The following SYNDIG1 variants were observed in gnomAD, a reference collection of about 807,000 sequenced individuals.
The protein encoded by SYNDIG1 is synapse differentiation inducing 1, also known as synapse differentiation-inducing gene protein 1.
A neutral mutation model predicts 19.4 loss-of-function variants in SYNDIG1; 9 were observed. The observed-to-expected ratio is 0.46, with a 90% confidence interval of 0.28 to 0.81. The LOEUF (loss-of-function observed/expected upper bound fraction) is 0.81, where lower values mean the gene tolerates loss of function less well. Among genes scored for constraint, SYNDIG1 ranks in the 30% least tolerant of loss-of-function variants. The pLI, the probability that SYNDIG1 is intolerant of heterozygous loss-of-function variation, is 0.12. For missense variants in SYNDIG1, 311 were observed against 343.3 expected (o/e 0.91, Z 0.74); for synonymous variants, 141 against 145.9 (o/e 0.97, Z 0.24).
chr20:24,610,987 G>A (rs1395105162), intron 3 of SYNDIG1, among the ~76,000 whole-genome samples: 6 of 152,054 alleles, frequency 3.9e-5, no homozygotes, highest in Non-Finnish European at 7.4e-5. Context: ...TTCTGTCTTC[G>A]GCCAGCTCCC....
At chr20:24,588,021 A>G (rs926869232) in intron 3 of SYNDIG1, among the ~76,000 whole-genome samples, 1 of 152,232 alleles carries the variant, frequency 6.6e-6, no homozygotes, top group African/African-American at 2.4e-5. Flanking sequence ...GGAGAAAATG[A>G]GGGATGCCAT....
At chr20:24,648,015 C>G (rs764271066) in intron 3 of SYNDIG1, among the ~76,000 whole-genome samples, 3 of 152,044 alleles carry the variant, frequency 2.0e-5, no homozygotes, top group Admixed American at 6.6e-5. Flanking sequence ...AGAGAGAGAA[C>G]TCCTGTGTCT....
rs150722417 is a variant in SYNDIG1 at position 24,516,194 on chromosome 20, G to A, written c.-78-26826G>A. 4.4e-3 allele frequency among the ~76,000 whole-genome samples: 673 copies of A among 151,868 alleles called. 6 individuals are homozygous for A. Among genetic ancestry groups the A allele is most frequent in the African/African-American group, 0.015 (636 of 41,500 alleles). ...ACCTTATACAAAAATTAATTCAAGA[G>A]GGATTAAAATGCTAGACCGAAAACC... is the stretch of plus-strand genomic sequence containing the variant. On this transcript the variant is annotated intron_variant, in intron 1 of 3. Coordinates refer to ENST00000376862, the MANE Select transcript of SYNDIG1 (RefSeq NM_024893.3).
chr20:24,541,867 A>G (rs950176504), intron 1 of SYNDIG1, among the ~76,000 whole-genome samples: 1 of 152,258 alleles, frequency 6.6e-6, no homozygotes, highest in Non-Finnish European at 1.5e-5. Context: ...ACAGAGAGCC[A>G]TGTGGATAAC....
intron 2 of SYNDIG1, among the ~76,000 whole-genome samples, chr20:24,554,510 A>C (rs1409544847): frequency 1.3e-5 from 2 of 152,206 alleles, no homozygotes; most frequent in Non-Finnish European, 2.9e-5. Context: ...TGTTTTTAGC[A>C]TGAAGGTTGT....
chr20:24,628,282 G>A (rs57684217), intron 3 of SYNDIG1, among the ~76,000 whole-genome samples: 1,907 of 152,208 alleles, frequency 0.013, 44 homozygotes, highest in African/African-American at 0.044. Context: ...GGAGTACCAG[G>A]GGAGCCCCGC....
At chr20:24,473,212 G>A (rs2055520348) in intron 1 of SYNDIG1, among the ~76,000 whole-genome samples, 1 of 152,174 alleles carries the variant, frequency 6.6e-6, no homozygotes, top group Non-Finnish European at 1.5e-5. Flanking sequence ...TAAATGACTA[G>A]CAAAACAGCC....
At chr20:24,521,899 C>CA (rs11484410) in intron 1 of SYNDIG1, among the ~76,000 whole-genome samples, 77,518 of 136,582 alleles carry the variant, frequency 0.57, 22,780 homozygotes, top group East Asian at 0.74. Flanking sequence ...GACTCCCTCT[C>CA]AAAAAAAAAA....
chr20:24,533,772 CTGTATGTGAGCCG>C lies in SYNDIG1; in HGVS notation c.-78-9245_-78-9233del, dbSNP rs749252865. On this transcript the variant is annotated intron_variant, in intron 1 of 3. Coordinates refer to ENST00000376862, the MANE Select transcript of SYNDIG1 (RefSeq NM_024893.3). Reference sequence around the variant, plus strand: ...CATAGCCCCTTTGGCCTGGCCTGACCTGTATGTGAGCCGTGATAGCACCATCAATCCCTGGGAT... The same window carrying C: ...CATAGCCCCTTTGGCCTGGCCTGACCTGATAGCACCATCAATCCCTGGGAT... 9.9e-5 allele frequency among the ~76,000 whole-genome samples: 15 copies of C among 152,140 alleles called. 1 individual carries two copies. The highest frequency in any genetic ancestry group is 2.6e-4 in the Admixed American group (4 of 15,284).
At chr20:24,483,896 C>T (rs985330783) in intron 1 of SYNDIG1, among the ~76,000 whole-genome samples, 2 of 152,056 alleles carry the variant, frequency 1.3e-5, no homozygotes, top group African/African-American at 4.8e-5. Flanking sequence ...GGGGATGCTG[C>T]GTCCAGATGC....
chr20:24,633,518 G>A (rs2059277626), intron 3 of SYNDIG1, among the ~76,000 whole-genome samples: 2 of 152,170 alleles, frequency 1.3e-5, no homozygotes, highest in African/African-American at 4.8e-5. Flanking sequence ...GAACCTTGTT[G>A]AAACCCTCTA....
chr20:24,535,378 G>A (rs142651878), intron 1 of SYNDIG1, among the ~76,000 whole-genome samples: 205 of 152,310 alleles, frequency 1.3e-3, no homozygotes, highest in African/African-American at 4.4e-3. Flanking sequence ...GGCTAGAATA[G>A]TTCCTTCCCA....
intron 1 of SYNDIG1, among the ~76,000 whole-genome samples, chr20:24,526,054 G>A (rs1350714129): frequency 6.6e-6 from 1 of 152,020 alleles, no homozygotes; most frequent in Non-Finnish European, 1.5e-5. Context: ...TGTTGCCTAG[G>A]ATTTTCCTTG....
chr20:24,599,670 A>G (rs896127478), intron 3 of SYNDIG1, among the ~76,000 whole-genome samples: 2 of 152,200 alleles, frequency 1.3e-5, no homozygotes, highest in Non-Finnish European at 2.9e-5. Flanking sequence ...GAATGGAATA[A>G]TGCCATTTTC....
At chr20:24,501,132 C>T (rs894960701) in intron 1 of SYNDIG1, among the ~76,000 whole-genome samples, 1 of 152,208 alleles carries the variant, frequency 6.6e-6, no homozygotes, top group Admixed American at 6.5e-5. Context: ...TAACATCTAT[C>T]TACCTATGTA....
chr20:24,580,526 C>T (rs966565215), intron 2 of SYNDIG1, among the ~76,000 whole-genome samples: 5 of 152,138 alleles, frequency 3.3e-5, no homozygotes, highest in African/African-American at 9.7e-5. Context: ...TCTTCTGCCT[C>T]AGCCTCCCAA....
chr20:24,505,752 G>A (rs113792008), intron 1 of SYNDIG1, among the ~76,000 whole-genome samples: 2 of 152,308 alleles, frequency 1.3e-5, no homozygotes, highest in South Asian at 4.1e-4. Context: ...ACTTATTTTA[G>A]AAGATCAGAA....
At chr20:24,546,176 A>C (rs894020335) in intron 2 of SYNDIG1, among the ~76,000 whole-genome samples, 1 of 152,234 alleles carries the variant, frequency 6.6e-6, no homozygotes, top group Non-Finnish European at 1.5e-5. Flanking sequence ...CTTACAGTAT[A>C]GCTATGGTGC....
intron 3 of SYNDIG1, among the ~76,000 whole-genome samples, chr20:24,645,464 G>A (rs966034354): frequency 9.2e-5 from 14 of 152,202 alleles, no homozygotes; most frequent in African/African-American, 3.4e-4. Flanking sequence ...AGCTGTGGCT[G>A]TGGCTCTCAC....
Sources: allele counts gnomAD v4.1 joint callset (sites outside exome capture counted in the v4.1 genomes callset), GRCh38; gene constraint gnomAD v4.1.1; transcripts MANE v1.5; gene names NCBI Gene and HGNC (gene_info 2026-07-23, HGNC 2026-07-21).